The following PRDM11 variants were observed in gnomAD, a reference collection of about 807,000 sequenced individuals.
PRDM11 encodes PR/SET domain 11.
PRDM11 carries 20 observed loss-of-function variants against 97.8 expected under a neutral mutation model. The ratio of observed to expected loss-of-function variants is 0.20; its 90% CI spans 0.14 to 0.30. PRDM11 has a LOEUF of 0.30. Among genes scored for constraint, PRDM11 ranks in the 10% least tolerant of loss-of-function variants. The pLI is 1.00. For synonymous variants in PRDM11, 599 were observed against 637.7 expected (o/e 0.94, Z 0.91); for missense variants, 1,139 against 1,555.2 (o/e 0.73, Z 4.50).
chr11:45,206,902 C>G lies in PRDM11; in HGVS notation c.554+2124C>G, dbSNP rs374018204. Among the ~76,000 whole-genome samples the G allele has an allele frequency of 4.6e-5, 7 of 152,328 alleles. No homozygotes were observed. In the South Asian group the frequency reaches 8.3e-4, roughly 18 times the overall value. On this transcript the variant is annotated intron_variant, in intron 5 of 7. Transcript: ENST00000683152. Reference sequence around the variant, plus strand: ...TCTGTAATCCTAGGTCGGTGTTCTTCCTGCTTGTGCACAAGGGACCAGGTG... The same window carrying G: ...TCTGTAATCCTAGGTCGGTGTTCTTGCTGCTTGTGCACAAGGGACCAGGTG...
intron 6 of PRDM11, among the ~76,000 whole-genome samples, chr11:45,223,674 G>A (rs753280292): frequency 2.2e-4 from 34 of 152,146 alleles, no homozygotes; most frequent in Non-Finnish European, 4.0e-4. Context: ...AATTAGAAAG[G>A]ACAGTTGCCA....
chr11:45,173,908 A>T (rs975297934), intron 1 of PRDM11, among the ~76,000 whole-genome samples: 10 of 152,188 alleles, frequency 6.6e-5, no homozygotes, highest in Non-Finnish European at 1.3e-4. Context: ...ACATATATAT[A>T]TTCAGAAAAG....
intron 1 of PRDM11, among the ~76,000 whole-genome samples, chr11:45,163,115 C>T (rs771254940): frequency 2.0e-5 from 3 of 152,116 alleles, no homozygotes; most frequent in Non-Finnish European, 4.4e-5. Flanking sequence ...CAGCTGTGTG[C>T]CCCCGGGGAA....
rs528558195 is a variant in PRDM11, at chr11:45,155,043, G to A, written c.-7+8166G>A. Among the ~76,000 whole-genome samples, 11 of 152,322 alleles carry A rather than the reference G, an allele frequency of 7.2e-5. No individual in the cohort carries two copies. In the South Asian group the frequency reaches 8.3e-4, roughly 11 times the overall value. On this transcript the variant is annotated intron_variant, in intron 1 of 7. Coordinates refer to ENST00000683152, the MANE Select transcript of PRDM11 (RefSeq NM_001384648.1). ...TGGGGTAGAAAGGGGGGTAGTGGCC[G>A]GTGGGCGCCTTCCCCCAGGCTTGTG...
intron 3 of PRDM11, 140 bp downstream of exon 3, chr11:45,182,489 A>C (rs1852544972): frequency 1.3e-6 from 1 of 780,320 alleles, no homozygotes; most frequent in African/African-American, 1.8e-5. Context: ...TTGGTTCGTC[A>C]TCATCATTAG....
chr11:45,173,273 A>T (rs1172648449), intron 1 of PRDM11, among the ~76,000 whole-genome samples: 2 of 152,152 alleles, frequency 1.3e-5, no homozygotes, highest in African/African-American at 4.8e-5. Flanking sequence ...GGGAGTAATG[A>T]GGTAACGGAT....
At chr11:45,113,820 G>A (rs199998922) in intron 1 of PRDM11, among the ~76,000 whole-genome samples, 2 of 54,074 alleles carry the variant, frequency 3.7e-5, no homozygotes, top group Non-Finnish European at 4.3e-5. Flanking sequence ...GTGTGTGTGT[G>A]TGTGTTTTGT....
At chr11:45,198,205 C>A (rs1393553886) in intron 4 of PRDM11, among the ~76,000 whole-genome samples, 1 of 152,212 alleles carries the variant, frequency 6.6e-6, no homozygotes, top group African/African-American at 2.4e-5. Flanking sequence ...TTCCCAGACA[C>A]CAGGTTAGAA....
At chr11:45,158,087 C>T (rs956210137) in intron 1 of PRDM11, among the ~76,000 whole-genome samples, 2 of 152,156 alleles carry the variant, frequency 1.3e-5, no homozygotes, top group African/African-American at 4.8e-5. Context: ...GTTGAGGTAG[C>T]GAGGGAAAAG....
chr11:45,179,275 G>C (rs1481643627), intron 1 of PRDM11, among the ~76,000 whole-genome samples: 1 of 152,190 alleles, frequency 6.6e-6, no homozygotes, highest in Non-Finnish European at 1.5e-5. Flanking sequence ...GCCACCCCTT[G>C]ATGATGTCAC....
chr11:45,188,955 G>A (rs1169409025), intron 4 of PRDM11, among the ~76,000 whole-genome samples: 1 of 152,214 alleles, frequency 6.6e-6, no homozygotes, highest in Non-Finnish European at 1.5e-5. Flanking sequence ...AGGCTGGAGT[G>A]CAGTGGTACG....
In PRDM11 at chr11:45,226,974, G is replaced by C; in HGVS notation, c.2349G>C (p.Glu783Asp). The change falls in exon 8 of 8, where the codon GAG becomes GAC. Residue 783 changes from glutamate to aspartate, a missense_variant. Transcript: ENST00000683152. Reference sequence around the variant, plus strand: ...GGAAGGAGCTCCCATGCCTGGAGGAGCTGGAGAACAACCTGAAGCAGCTGC... The same window carrying C: ...GGAAGGAGCTCCCATGCCTGGAGGACCTGGAGAACAACCTGAAGCAGCTGC... ...ISGKELPCLE[E>D]LENNLKQLLS... 1 of 1,533,968 alleles carries C rather than the reference G, an allele frequency of 6.5e-7. No homozygotes were observed. The highest frequency in any genetic ancestry group is 8.7e-7 in the Non-Finnish European group (1 of 1,146,730).
At chr11:45,201,113 A>G (rs966312460) in intron 4 of PRDM11, among the ~76,000 whole-genome samples, 4 of 152,216 alleles carry the variant, frequency 2.6e-5, no homozygotes, top group Non-Finnish European at 4.4e-5. Flanking sequence ...GAAATATGCA[A>G]TCGCAACTAT....
intron 5 of PRDM11, among the ~76,000 whole-genome samples, 194 bp downstream of exon 5, chr11:45,204,972 G>A (rs77489332): frequency 0.03 from 4,540 of 152,290 alleles, 217 homozygotes; most frequent in Admixed American, 0.13. Flanking sequence ...AGAGGACGGC[G>A]TGTGGTCAGG....
intron 4 of PRDM11, among the ~76,000 whole-genome samples, chr11:45,198,692 C>T (rs1334778145): frequency 4.6e-5 from 7 of 152,198 alleles, no homozygotes; most frequent in Admixed American, 4.6e-4. Flanking sequence ...TGCCAACCTG[C>T]AGATAGCAGA....
At chr11:45,097,976 GGGATT>G (rs749699737) in intron 1 of PRDM11, among the ~76,000 whole-genome samples, 1 of 152,248 alleles carries the variant, frequency 6.6e-6, no homozygotes, top group Admixed American at 6.5e-5. Context: ...TGTGCTGGCT[GGGATT>G]GGAGATGAAA....
Position 45,224,744 on chromosome 11 carries a change from C to T in PRDM11, c.1270C>T (p.Leu424Phe). The T allele has an allele frequency of 6.2e-7, 1 of 1,614,196 alleles. No homozygotes were observed. The highest frequency in any genetic ancestry group is 8.5e-7 in the Non-Finnish European group (1 of 1,180,034). Residue 424 changes from leucine (L) to phenylalanine (F), a missense_variant, in exon 7 of 8, where the codon CTC (leucine) becomes TTC (phenylalanine). Leu to Phe is a conservative substitution (Grantham distance 22, BLOSUM62 0). This residue lies in a region of PRDM11 where 710 missense variants were observed against 1,044.9 expected (regional missense o/e 0.68). Coordinates refer to ENST00000683152, the MANE Select transcript of PRDM11 (RefSeq NM_001384648.1). ...CIRLKKKVRE[L>F]QAELDMLKSG... is the part of the protein sequence containing the mutation. ...TCGCCTAAAGAAGAAGGTTCGGGAGCTCCAGGCAGAATTAGACATGCTTAA... is the reference window on the plus strand; with the variant it reads ...TCGCCTAAAGAAGAAGGTTCGGGAGTTCCAGGCAGAATTAGACATGCTTAA...
At chr11:45,147,048 G>C (rs1416879863) in intron 1 of PRDM11, among the ~76,000 whole-genome samples, 171 bp downstream of exon 1, 1 of 145,788 alleles carries the variant, frequency 6.9e-6, no homozygotes, top group Non-Finnish European at 1.5e-5. Context: ...GACGGCGCCG[G>C]CGCGGGGTGG....
intron 1 of PRDM11, among the ~76,000 whole-genome samples, chr11:45,132,849 C>T (rs1371900287): frequency 6.6e-6 from 1 of 152,148 alleles, no homozygotes; most frequent in Admixed American, 6.5e-5. Context: ...GATGAGTATA[C>T]TTCTCCAATT....
Sources: gnomAD v4.1 joint callset for allele counts (sites outside exome capture counted in the v4.1 genomes callset) on GRCh38, gnomAD v4.1.1 for gene constraint, gnomAD v4.1.1 regional missense constraint, MANE v1.5 for transcripts, NCBI Gene and HGNC (gene_info 2026-07-23, HGNC 2026-07-21) for gene names.